PCDHGA9: variants seen among roughly 807,000 people sequenced by gnomAD.
PCDHGA9 encodes the protein protocadherin gamma subfamily A, 9, also known as protocadherin gamma-A9.
In PCDHGA9, 37 loss-of-function variants were observed where a neutral mutation model predicts 62.5. The ratio of observed to expected loss-of-function variants is 0.59; its 90% CI spans 0.46 to 0.78. PCDHGA9 has a LOEUF of 0.78. Among genes scored for constraint, PCDHGA9 ranks in the 30% least tolerant of loss-of-function variants. The probability of loss-of-function intolerance (pLI) is 0.00; values close to 1 mark genes in which losing one functional copy is unlikely to be tolerated. For synonymous variants in PCDHGA9, 459 were observed against 484.6 expected, an observed-to-expected ratio of 0.95 and a Z score of 0.69; for missense variants, 1,138 against 1,166.2, an observed-to-expected ratio of 0.98 and a Z score of 0.35.
At position 141,432,898 on chromosome 5, in the gene PCDHGA9, G is replaced by C. The variant is rs746913952; in HGVS notation, c.2424+27522G>C. ...TGGCCTTCGTCATCTTGCTGCTGGC[G>C]CTCAGGCTGCGGCGCTGGCACAAGT... On this transcript the variant is annotated intron_variant, in intron 1 of 3. Coordinates refer to ENST00000573521, the MANE Select transcript of PCDHGA9 (RefSeq NM_018921.3). The surrounding 1 kb of genome is among the most constrained non-coding windows in gnomAD (Gnocchi z 6.0). 28 of 1,614,056 alleles carry C rather than the reference G, an allele frequency of 1.7e-5. No individual in the cohort carries two copies. In the African/African-American group the frequency reaches 2.4e-4, roughly 14 times the overall value.
intron 1 of PCDHGA9, among the ~76,000 whole-genome samples, chr5:141,472,409 C>T (rs2099279484): frequency 6.6e-6 from 1 of 152,016 alleles, no homozygotes; most frequent in South Asian, 2.1e-4. Flanking sequence ...GGCGTGGTGG[C>T]ACGCACCTGT....
chr5:141,436,040 C>T (rs989038133), intron 1 of PCDHGA9, among the ~76,000 whole-genome samples: 1 of 152,060 alleles, frequency 6.6e-6, no homozygotes, highest in African/African-American at 2.4e-5. Context: ...TTTGTATTTA[C>T]ATTAGTTTTC....
chr5:141,448,204 C>G (rs757249025), intron 1 of PCDHGA9, among the ~76,000 whole-genome samples: 28 of 152,124 alleles, frequency 1.8e-4, no homozygotes, highest in South Asian at 4.1e-4. Flanking sequence ...CAAACATTTT[C>G]TGTGTGTATG....
At chr5:141,506,119 G>T (rs1171566108) in intron 3 of PCDHGA9, among the ~76,000 whole-genome samples, 1 of 152,106 alleles carries the variant, frequency 6.6e-6, no homozygotes, top group African/African-American at 2.4e-5. Context: ...AGTCACTAGG[G>T]CCCAGAGCAG....
Position 141,423,691 on chromosome 5 carries a change from T to C in PCDHGA9, c.2424+18315T>C. On this transcript the variant is annotated intron_variant, in intron 1 of 3. Coordinates refer to ENST00000573521, the MANE Select transcript of PCDHGA9 (RefSeq NM_018921.3). Reference sequence around the variant, plus strand: ...ATTTATTTCTCTGCCTCCTAATTGTTGGTGTCTTGGCACAAGTCTTTTAAG... The same window carrying C: ...ATTTATTTCTCTGCCTCCTAATTGTCGGTGTCTTGGCACAAGTCTTTTAAG... 5 of 1,506,830 alleles carry C rather than the reference T, an allele frequency of 3.3e-6. No individual in the cohort carries two copies. The South Asian group carries it at 6.9e-5, about 21-fold the overall frequency. 93.3% of individuals were successfully genotyped at this position (1,506,830 alleles called of 1,614,324 possible).
At position 141,422,391 on chromosome 5, in the gene PCDHGA9, T is replaced by A. The variant is rs1036823508; in HGVS notation, c.2424+17015T>A. On this transcript the variant is annotated intron_variant, in intron 1 of 3. Transcript: ENST00000573521. ...ATGGTCAAGTCTCCTGTTTTATTCCTAACCACCTGCCTTTTAAATTAGAAA... is the reference window on the plus strand; with the variant it reads ...ATGGTCAAGTCTCCTGTTTTATTCCAAACCACCTGCCTTTTAAATTAGAAA... 2.5e-6 allele frequency: 4 copies of A among 1,591,932 alleles called. No individual in the cohort carries two copies. The African/African-American group carries it at 4.1e-5, about 16-fold the overall frequency.
chr5:141,485,601 G>T lies in PCDHGA9; in HGVS notation c.2425-9206G>T, dbSNP rs762783104. On this transcript the variant is annotated intron_variant, in intron 1 of 3. Transcript: ENST00000573521. The surrounding 1 kb of genome is among the most constrained non-coding windows in gnomAD (Gnocchi z 5.7). ...CGGCAGCAGCTGGACTTGGAAATTG[G>T]GGAGGCAGCTCCTCCAGGACAGCGT... The T allele has an allele frequency of 3.1e-6, 5 of 1,612,290 alleles. No individual in the cohort carries two copies. Among genetic ancestry groups the T allele is most frequent in the Non-Finnish European group, 4.2e-6 (5 of 1,178,722 alleles).
chr5:141,457,045 C>T (rs1489830197), intron 1 of PCDHGA9, among the ~76,000 whole-genome samples: 1 of 152,198 alleles, frequency 6.6e-6, no homozygotes, highest in African/African-American at 2.4e-5. Context: ...GATAGTAAAA[C>T]TTTCATGCTT....
Position 141,415,740 on chromosome 5 carries a change from G to GTTTTTTTTTTTTTTT in PCDHGA9, c.2424+10382_2424+10396dup, listed in dbSNP as rs57426385. 67 of 625,038 alleles carry GTTTTTTTTTTTTTTT rather than the reference G, an allele frequency of 1.1e-4. 1 individual carries two copies. Among genetic ancestry groups the GTTTTTTTTTTTTTTT allele is most frequent in the African/African-American group, 2.5e-4 (10 of 39,932 alleles). The allele number at this position is 625,038 out of a possible 1,614,324, so 38.7% of individuals were successfully genotyped here. A position where few individuals can be genotyped will look rare whatever the true frequency, so the allele number is the denominator to read the frequency against. ...TGAGTAGAATTTGATGTTTATTAAG[G>GTTTTTTTTTTTTTTT]TTTTTTTTTTTTTTTTTTTTTTTTT... On this transcript the variant is annotated intron_variant, in intron 1 of 3. Coordinates refer to ENST00000573521, the MANE Select transcript of PCDHGA9 (RefSeq NM_018921.3).
At chr5:141,504,671 G>C (rs1459848730) in intron 2 of PCDHGA9, among the ~76,000 whole-genome samples, 1 of 111,068 alleles carries the variant, frequency 9.0e-6, no homozygotes, top group East Asian at 3.2e-4. Context: ...GGGGGGTGGG[G>C]GTTCTTGTAA....
chr5:141,480,407 C>T (rs906445993), intron 1 of PCDHGA9, among the ~76,000 whole-genome samples: 1 of 139,782 alleles, frequency 7.2e-6, no homozygotes, highest in Admixed American at 7.0e-5. Context: ...AGAGTGAGAC[C>T]CTGTCTCAAA....
chr5:141,415,890 C>A lies in PCDHGA9; in HGVS notation c.2424+10514C>A, dbSNP rs2095969500. The A allele has an allele frequency of 9.7e-6, 9 of 931,410 alleles. No homozygotes were observed. In the South Asian group the frequency reaches 2.3e-4, roughly 24 times the overall value. 57.7% of individuals were successfully genotyped at this position (931,410 alleles called of 1,614,324 possible). On this transcript the variant is annotated intron_variant, in intron 1 of 3. Coordinates refer to ENST00000573521, the MANE Select transcript of PCDHGA9 (RefSeq NM_018921.3). Reference sequence around the variant, plus strand: ...GTTGTTGAGTACAATATTGACAATTCCTAAGACAGACTTCCATACAGAAGT... The same window carrying A: ...GTTGTTGAGTACAATATTGACAATTACTAAGACAGACTTCCATACAGAAGT...
chr5:141,419,870 G>C, intron 1 of PCDHGA9: 1 of 1,614,054 alleles, frequency 6.2e-7, no homozygotes, highest in Non-Finnish European at 8.5e-7. Context: ...CTTGCAAGAG[G>C]TACTGCCGGA....
intron 1 of PCDHGA9, among the ~76,000 whole-genome samples, chr5:141,472,648 C>G (rs762736307): frequency 1.3e-5 from 2 of 151,864 alleles, no homozygotes; most frequent in African/African-American, 4.8e-5. Flanking sequence ...TGTGTTGAAT[C>G]AGTATATAAA....
At chr5:141,475,103 G>A (rs771784343) in intron 1 of PCDHGA9, among the ~76,000 whole-genome samples, 1 of 152,176 alleles carries the variant, frequency 6.6e-6, no homozygotes, top group Non-Finnish European at 1.5e-5. Flanking sequence ...AAGATCCTAG[G>A]TGGTAAATAG....
rs1403163275 is a variant in PCDHGA9 at position 141,441,708 on chromosome 5, A to T, written c.2424+36332A>T. ...AGAGCAGCCGCGAGCCTTCAAGCTC[A>T]CGCTGCAGGCCCGCGACCAGGACTA... On this transcript the variant is annotated intron_variant, in intron 1 of 3. Coordinates refer to ENST00000573521, the MANE Select transcript of PCDHGA9 (RefSeq NM_018921.3). 2.8e-5 allele frequency: 9 copies of T among 319,492 alleles called. No homozygotes were observed. In the East Asian group the frequency reaches 1.0e-3, roughly 37 times the overall value. 19.8% of individuals were successfully genotyped at this position (319,492 alleles called of 1,614,324 possible).
chr5:141,453,540 A>G (rs890130466), intron 1 of PCDHGA9, among the ~76,000 whole-genome samples: 2 of 152,058 alleles, frequency 1.3e-5, no homozygotes, highest in Non-Finnish European at 2.9e-5. Context: ...CCTCATTCAC[A>G]CCACACTCTG....
In PCDHGA9 at chr5:141,490,803, C is replaced by A; in HGVS notation, c.2425-4004C>A. The A allele has an allele frequency of 6.2e-7, 1 of 1,613,956 alleles. No homozygotes were observed. Among genetic ancestry groups the A allele is most frequent in the South Asian group, 1.1e-5 (1 of 91,080 alleles). On this transcript the variant is annotated intron_variant, in intron 1 of 3. Transcript: ENST00000573521. The surrounding 1 kb of genome is among the most constrained non-coding windows in gnomAD (Gnocchi z 5.4). ...ATGGACGGATCTTTGCCCAGCGTAC[C>A]TTTGACTATGAATTGCTGCAGATGC...
At position 141,476,851 on chromosome 5, in the gene PCDHGA9, C is replaced by T; in HGVS notation, c.2425-17956C>T. ...CGAATGACAATGCGCCTGTCTTCAA[C>T]CAGTCCTTGTACCGGGCGCGCGTCC... On this transcript the variant is annotated intron_variant, in intron 1 of 3. Transcript: ENST00000573521. This position sits in a 1 kb window ranked among gnomAD's most constrained non-coding sequence, Gnocchi z 7.6. The T allele has an allele frequency of 6.2e-7, 1 of 1,613,836 alleles. No individual in the cohort carries two copies. Among genetic ancestry groups the T allele is most frequent in the Non-Finnish European group, 8.5e-7 (1 of 1,180,046 alleles).
Sources: allele counts gnomAD v4.1 joint callset (sites outside exome capture counted in the v4.1 genomes callset), GRCh38; gene constraint gnomAD v4.1.1; non-coding constraint Gnocchi (gnomAD v3.1); transcripts MANE v1.5; gene names NCBI Gene and HGNC (gene_info 2026-07-23, HGNC 2026-07-21).